GNL3L: variants seen among roughly 807,000 people sequenced by gnomAD.
The protein encoded by GNL3L is guanine nucleotide-binding protein-like 3-like protein.
Under a neutral mutation model 42.9 loss-of-function variants are expected in GNL3L, and 4 were observed. That is an observed-to-expected ratio of 0.09 (90% CI 0.05 to 0.21). GNL3L has a LOEUF of 0.21. Ranked by LOEUF, GNL3L falls within the 10% of genes least tolerant of loss-of-function variation. GNL3L has a pLI of 1.00. For missense variants in GNL3L, 412 were observed against 481.7 expected (o/e 0.86, Z 1.36); for synonymous variants, 159 against 176.3 (o/e 0.90, Z 0.78).
intron 16 of GNL3L, among the ~76,000 whole-genome samples, chrX:54,602,766 T>A (rs1926018282): frequency 1.8e-5 from 2 of 111,429 alleles, no homozygotes; most frequent in African/African-American, 6.5e-5. Flanking sequence ...GGGAGACCTC[T>A]TGTTGCTAAC....
At chrX:54,624,289 T>TCTTC (rs111237985), downstream of GNL3L, among the ~76,000 whole-genome samples, 27,843 of 110,668 alleles carry the variant, frequency 0.25, 6,514 homozygotes, top group African/African-American at 0.75. Context: ...TAGTTTTACA[T>TCTTC]CTTTCTGTAT....
chrX:54,638,138 C>A, the GNL3L span, among the ~76,000 whole-genome samples: 1 of 111,602 alleles, frequency 9.0e-6, no homozygotes, highest in African/African-American at 3.3e-5. Flanking sequence ...CCATCCTTTG[C>A]AATTTTTTGA....
chrX:54,612,636 C>A (rs1926176311), intron 16 of GNL3L, among the ~76,000 whole-genome samples: 1 of 111,633 alleles, frequency 9.0e-6, no homozygotes, highest in South Asian at 3.7e-4. Flanking sequence ...ATGGTGAATT[C>A]TCTCAGCATT....
At chrX:54,631,655 AC>A in the GNL3L span, among the ~76,000 whole-genome samples, 1 of 110,952 alleles carries the variant, frequency 9.0e-6, no homozygotes, top group Non-Finnish European at 1.9e-5. Context: ...TTTATGTGAA[AC>A]CTTATGTGTT....
chrX:54,551,122 A>C, intron 10 of GNL3L, 72 bp downstream of exon 10: 1 of 605,846 alleles, frequency 1.7e-6, no homozygotes, highest in Non-Finnish European at 2.8e-6. Flanking sequence ...CCATGCCTTC[A>C]GCCCCTGTCC....
At chrX:54,630,751 C>CTTTCTTTCTCT in the GNL3L span, among the ~76,000 whole-genome samples, 1 of 38,253 alleles carries the variant, frequency 2.6e-5, no homozygotes, top group African/African-American at 1.5e-4. Flanking sequence ...TCTTTCTTTC[C>CTTTCTTTCTCT]CTTTCTTTCC....
chrX:54,622,639 T>A (rs1473407133), downstream of GNL3L, among the ~76,000 whole-genome samples: 1 of 110,931 alleles, frequency 9.0e-6, no homozygotes, highest in Non-Finnish European at 1.9e-5. Context: ...AGATATATAA[T>A]TTATAAATAT....
At chrX:54,607,054 T>TTC (rs1341741261) in intron 16 of GNL3L, among the ~76,000 whole-genome samples, 2 of 66,658 alleles carry the variant, frequency 3.0e-5, no homozygotes, top group African/African-American at 8.9e-5. Flanking sequence ...CTTTCTTTCT[T>TTC]TCTTTCTTTC....
chrX:54,562,792 C>CG lies in GNL3L; in HGVS notation c.*2192dup, dbSNP rs1490486427. On this transcript the variant is annotated 3_prime_UTR_variant, in exon 16 of 16. Coordinates refer to ENST00000360845, the MANE Select transcript of GNL3L (RefSeq NM_001184819.2). ...TGGGGGACAGAGTGAGACTTCGTCT[C>CG]GGAAAAAAAAAAAAAAAGTTGACAG... Among the ~76,000 whole-genome samples, 3 of 101,144 alleles carry CG rather than the reference C, an allele frequency of 3.0e-5. No homozygotes were observed. Among genetic ancestry groups the CG allele is most frequent in the South Asian group, 4.6e-4 (1 of 2,181 alleles). The allele number at this position is 101,144 out of a possible 115,157, so 87.8% of individuals were successfully genotyped here.
chrX:54,634,787 CT>C, the GNL3L span, among the ~76,000 whole-genome samples: 5,285 of 51,489 alleles, frequency 0.1, 357 homozygotes, highest in African/African-American at 0.3. Context: ...GCGCCCGGCT[CT>C]TTTTTTTTTT....
chrX:54,643,453 A>T, the GNL3L span, among the ~76,000 whole-genome samples: 3 of 109,953 alleles, frequency 2.7e-5, no homozygotes, highest in East Asian at 8.6e-4. Context: ...CTTTTTAAAT[A>T]ATTTAATTTA....
intron 3 of GNL3L, 126 bp downstream of exon 3, chrX:54,539,227 C>T (rs1045558152): frequency 7.8e-5 from 29 of 372,343 alleles, no homozygotes; most frequent in Non-Finnish European, 1.3e-4. Context: ...GTGGATCTGG[C>T]TTTCCCTCCT....
chrX:54,608,815 G>A (rs1287028943), intron 16 of GNL3L, among the ~76,000 whole-genome samples: 2 of 111,861 alleles, frequency 1.8e-5, no homozygotes, highest in Admixed American at 9.5e-5. Flanking sequence ...TGCTGTAAAC[G>A]CGTGTGCAAG....
chrX:54,557,461 G>T (rs939194386), intron 14 of GNL3L, among the ~76,000 whole-genome samples: 7 of 109,704 alleles, frequency 6.4e-5, no homozygotes, highest in African/African-American at 1.7e-4. Context: ...TTGAGACAGG[G>T]TCTTGCTCTG....
At chrX:54,551,442 C>T in intron 10 of GNL3L, 126 bp from the exon 11 acceptor site, 2 of 524,816 alleles carry the variant, frequency 3.8e-6, no homozygotes, top group Non-Finnish European at 6.4e-6. Flanking sequence ...AACTCTACAT[C>T]TCTCCACCTT....
intron 14 of GNL3L, among the ~76,000 whole-genome samples, chrX:54,555,370 T>C (rs1389026929): frequency 9.0e-6 from 1 of 111,168 alleles, no homozygotes; most frequent in African/African-American, 3.3e-5. Flanking sequence ...CCTAAATCTT[T>C]TGACAAGCTT....
At chrX:54,640,825 C>T in the GNL3L span, among the ~76,000 whole-genome samples, 4 of 112,225 alleles carry the variant, frequency 3.6e-5, no homozygotes, top group Non-Finnish European at 7.5e-5. Context: ...TTTTAATTTC[C>T]GTATCCTGCA....
chrX:54,544,547 G>A (rs1924718741), intron 8 of GNL3L, among the ~76,000 whole-genome samples: 1 of 105,708 alleles, frequency 9.5e-6, no homozygotes, highest in Admixed American at 1.0e-4. Flanking sequence ...TCGGCTTACT[G>A]CAACCTCCAC....
At chrX:54,543,121 T>A (rs1392349475) in intron 6 of GNL3L, 83 bp downstream of exon 6, 5 of 1,112,109 alleles carry the variant, frequency 4.5e-6, no homozygotes, top group Non-Finnish European at 6.2e-6. Flanking sequence ...TTTTCCTGAC[T>A]GAGATGGAGA....
Sources: gnomAD v4.1 joint callset for allele counts (sites outside exome capture counted in the v4.1 genomes callset) on GRCh38, gnomAD v4.1.1 for gene constraint, MANE v1.5 for transcripts, NCBI Gene and HGNC (gene_info 2026-07-23, HGNC 2026-07-21) for gene names.